PCDHGB4: variants seen among roughly 807,000 people sequenced by gnomAD.
PCDHGB4 encodes protocadherin gamma-B4.
PCDHGB4 carries 38 observed loss-of-function variants against 60.5 expected under a neutral mutation model. That is an observed-to-expected ratio of 0.63 (90% CI 0.48 to 0.82). The LOEUF (loss-of-function observed/expected upper bound fraction) is 0.82. Ranked by LOEUF, PCDHGB4 falls within the 40% of genes least tolerant of loss-of-function variation. PCDHGB4 has a pLI of 0.00. For synonymous variants in PCDHGB4, 456 were observed against 509.7 expected (o/e 0.89, Z 1.42); for missense variants, 1,109 against 1,209.6 (o/e 0.92, Z 1.23).
In PCDHGB4 at chr5:141,433,028, G is replaced by T. The variant is rs539293579; in HGVS notation, c.2397+42747G>T. 27 of 1,614,116 alleles carry T rather than the reference G, an allele frequency of 1.7e-5. No individual in the cohort carries two copies. The highest frequency in any genetic ancestry group is 6.7e-5 in the Admixed American group (4 of 60,018). On this transcript the variant is annotated intron_variant, in intron 1 of 3. Coordinates refer to ENST00000519479, the MANE Select transcript of PCDHGB4 (RefSeq NM_003736.4). ...TTTCCTGCAGACCTATTCCCACGAG[G>T]TTTCCCTCACCACGGACTCGCGGAA...
At chr5:141,475,543 G>A (rs1161883598) in intron 1 of PCDHGB4, among the ~76,000 whole-genome samples, 1 of 152,196 alleles carries the variant, frequency 6.6e-6, no homozygotes, top group African/African-American at 2.4e-5. Flanking sequence ...TACAAGTAGG[G>A]TCCGGCTAAT....
chr5:141,455,283 C>G (rs1225185590), intron 1 of PCDHGB4, among the ~76,000 whole-genome samples: 1 of 152,000 alleles, frequency 6.6e-6, no homozygotes, highest in East Asian at 1.9e-4. Context: ...ATTAACATCA[C>G]TTTACATAGT....
At chr5:141,414,352 T>C in intron 1 of PCDHGB4, 8 of 1,613,968 alleles carry the variant, frequency 5.0e-6, no homozygotes, top group Non-Finnish European at 6.8e-6. Flanking sequence ...CATTTTGGCG[T>C]ATCTACCATT....
chr5:141,415,602 A>G (rs1208876851), intron 1 of PCDHGB4: 2 of 1,613,602 alleles, frequency 1.2e-6, no homozygotes, highest in African/African-American at 2.7e-5. Flanking sequence ...AGGATACCCC[A>G]TTGGTTCCAG....
chr5:141,458,404 G>A lies in PCDHGB4; in HGVS notation c.2398-36403G>A, dbSNP rs183963289. Among the ~76,000 whole-genome samples the A allele has an allele frequency of 4.6e-5, 7 of 152,218 alleles. No homozygotes were observed. The East Asian group carries it at 5.8e-4, about 13-fold the overall frequency. ...GGAAGACGCTCCCCCTTGCAGAGAC[G>A]GAGCGGGGGTTCCAAAGCTGAAAGA... On this transcript the variant is annotated intron_variant, in intron 1 of 3. Transcript: ENST00000519479.
At chr5:141,482,719 G>C (rs1221351410) in intron 1 of PCDHGB4, among the ~76,000 whole-genome samples, 1 of 129,252 alleles carries the variant, frequency 7.7e-6, no homozygotes, top group African/African-American at 3.5e-5. Flanking sequence ...GGCAGGGAGG[G>C]GCCATTGCAA....
At chr5:141,405,369 T>C in intron 1 of PCDHGB4, 3 of 1,606,526 alleles carry the variant, frequency 1.9e-6, no homozygotes, top group Non-Finnish European at 2.5e-6. Context: ...GACACCCCTT[T>C]GGTTCCGGTG....
intron 1 of PCDHGB4, among the ~76,000 whole-genome samples, chr5:141,443,505 A>G (rs553893860): frequency 4.4e-4 from 67 of 152,222 alleles, no homozygotes; most frequent in African/African-American, 1.4e-3. Context: ...AAACAAATAA[A>G]GAGCTTCTCT....
At chr5:141,467,208 A>G (rs1272958649) in intron 1 of PCDHGB4, among the ~76,000 whole-genome samples, 1 of 152,064 alleles carries the variant, frequency 6.6e-6, no homozygotes, top group East Asian at 1.9e-4. Flanking sequence ...ACATGCCACC[A>G]TGCCTGGCTA....
chr5:141,457,680 G>A lies in PCDHGB4; in HGVS notation c.2398-37127G>A, dbSNP rs866876250. 2.6e-5 allele frequency among the ~76,000 whole-genome samples: 4 copies of A among 152,290 alleles called. No individual in the cohort carries two copies. The South Asian group carries it at 8.3e-4, about 32-fold the overall frequency. On this transcript the variant is annotated intron_variant, in intron 1 of 3. Coordinates refer to ENST00000519479, the MANE Select transcript of PCDHGB4 (RefSeq NM_003736.4). The stretch of plus-strand genomic sequence containing the variant: ...AGCAAGAATGGTTATTTCTACATAG[G>A]ACTTTTGGATTGGCTTTGATGAAAC...
At chr5:141,406,729 C>A (rs1051103218) in intron 1 of PCDHGB4, among the ~76,000 whole-genome samples, 1 of 152,200 alleles carries the variant, frequency 6.6e-6, no homozygotes, top group Non-Finnish European at 1.5e-5. Context: ...GTTTCTAAGA[C>A]TGGACACTGT....
intron 1 of PCDHGB4, chr5:141,422,847 C>G (rs1271794821): frequency 7.4e-6 from 12 of 1,614,234 alleles, no homozygotes; most frequent in Non-Finnish European, 1.0e-5. Context: ...ACAGCGGGGA[C>G]CCGCCCCTCA....
chr5:141,404,710 C>A (rs772390810), intron 1 of PCDHGB4: 1 of 1,614,014 alleles, frequency 6.2e-7, no homozygotes, highest in African/African-American at 1.3e-5. Flanking sequence ...AGCCTGGCTA[C>A]CTGGTGACCA....
intron 1 of PCDHGB4, chr5:141,408,041 C>T: frequency 1.7e-6 from 2 of 1,193,652 alleles, no homozygotes; most frequent in Non-Finnish European, 2.3e-6. Context: ...AAACCAGCTC[C>T]CACACAGAGC....
At position 141,431,134 on chromosome 5, in the gene PCDHGB4, C is replaced by T; in HGVS notation, c.2397+40853C>T. 1 of 1,614,212 alleles carries T rather than the reference C, an allele frequency of 6.2e-7. No homozygotes were observed. The highest frequency in any genetic ancestry group is 2.2e-5 in the East Asian group (1 of 44,890). On this transcript the variant is annotated intron_variant, in intron 1 of 3. Coordinates refer to ENST00000519479, the MANE Select transcript of PCDHGB4 (RefSeq NM_003736.4). This position sits in a 1 kb window ranked among gnomAD's most constrained non-coding sequence, Gnocchi z 4.8. ...ATGGAGTAGAAGTAGAAGTAAGGGA[C>T]ATTAACGACAATGCGCCTTACTTTC...
At chr5:141,448,654 A>G (rs966383140) in intron 1 of PCDHGB4, among the ~76,000 whole-genome samples, 1 of 152,048 alleles carries the variant, frequency 6.6e-6, no homozygotes, top group African/African-American at 2.4e-5. Context: ...AAATATTTCC[A>G]TATTGGCCGG....
chr5:141,404,897 C>T, intron 1 of PCDHGB4: 2 of 1,613,920 alleles, frequency 1.2e-6, no homozygotes, highest in Non-Finnish European at 1.7e-6. Flanking sequence ...TGTACAGGAC[C>T]ATGGCCAGCC....
chr5:141,512,866 AC>A lies in PCDHGB4; in HGVS notation c.*1694del. Reference sequence around the variant, plus strand: ...TATAAGCGCTTCTCTTCGCATAGTCACGTAGCTCCCACCCCACCCTCTTCCT... The same window carrying A: ...TATAAGCGCTTCTCTTCGCATAGTCAGTAGCTCCCACCCCACCCTCTTCCT... On this transcript the variant is annotated 3_prime_UTR_variant, in exon 4 of 4. Transcript: ENST00000519479. 1 of 152,098 alleles carries A rather than the reference AC, an allele frequency of 6.6e-6. No homozygotes were observed. Among genetic ancestry groups the A allele is most frequent in the Non-Finnish European group, 1.5e-5 (1 of 68,034 alleles). 9.4% of individuals were successfully genotyped at this position (152,098 alleles called of 1,614,324 possible).
intron 1 of PCDHGB4, chr5:141,402,869 C>G (rs1051518401): frequency 6.7e-5 from 97 of 1,448,564 alleles, no homozygotes; most frequent in Admixed American, 6.1e-4. Flanking sequence ...GAAAAGATCA[C>G]CATACTTTGC....
Sources: allele counts gnomAD v4.1 joint callset (sites outside exome capture counted in the v4.1 genomes callset), GRCh38; gene constraint gnomAD v4.1.1; non-coding constraint Gnocchi (gnomAD v3.1); transcripts MANE v1.5; gene names NCBI Gene and HGNC (gene_info 2026-07-23, HGNC 2026-07-21).